Variants in OGG1 observed in about 807,000 individuals in gnomAD.
The protein encoded by OGG1 is 8-oxoguanine DNA glycosylase.
In OGG1, 35 loss-of-function variants were observed where a neutral mutation model predicts 42.3. The ratio of observed to expected loss-of-function variants is 0.83; its 90% CI spans 0.63 to 1.10. OGG1 has a LOEUF of 1.10. OGG1 is among the 50% of genes least tolerant of loss of function. OGG1 has a pLI of 0.00. For synonymous variants in OGG1, 189 were observed against 179.0 expected, an observed-to-expected ratio of 1.06 and a Z score of -0.44; for missense variants, 484 against 446.7, an observed-to-expected ratio of 1.08 and a Z score of -0.75.
At chr3:9,781,476 G>A (rs1428426944) in intron 2 of OGG1, 1 of 454,444 alleles carries the variant, frequency 2.2e-6, no homozygotes, top group Non-Finnish European at 4.4e-6. Context: ...GGAGCAGGCT[G>A]GGGCCAAACT....
downstream of OGG1, among the ~76,000 whole-genome samples, chr3:9,788,838 C>A (rs942621373): frequency 7.0e-6 from 1 of 143,040 alleles, no homozygotes; most frequent in African/African-American, 2.6e-5. Flanking sequence ...ACTTTTATAT[C>A]TTTTTTTTTT....
intron 3 of OGG1, chr3:9,784,242 CAA>C (rs771078716): frequency 1.1e-5 from 18 of 1,587,326 alleles, no homozygotes; most frequent in South Asian, 1.0e-4. Flanking sequence ...CCGTCAGACT[CAA>C]GAGCCAGCTT....
rs758682963 is a variant in OGG1, at chr3:9,751,827, CCAA to C, written c.452_454del (p.Asn151del). On this transcript the variant is annotated inframe_deletion, in exon 3 of 7. Transcript: ENST00000344629. ...TGCCTTTTCTCTTTTATCTGTTCCT[CCAA>C]CAACAACATCGCCCGCATCACTGGC... 22 of 1,614,050 alleles carry C rather than the reference CCAA, an allele frequency of 1.4e-5. No homozygotes were observed. The highest frequency in any genetic ancestry group is 1.6e-4 in the Middle Eastern group (1 of 6,084).
chr3:9,760,904 T>G (rs1048568163), downstream of OGG1: 1 of 1,288,556 alleles, frequency 7.8e-7, no homozygotes, highest in African/African-American at 1.5e-5. Context: ...CAGCCCTGCC[T>G]GCTCACTCCT....
chr3:9,757,079 C>T lies in OGG1; in HGVS notation c.967C>T (p.Leu323=), dbSNP rs9824261. ...WAQAVLFSAD[L]RQSRHAQEPP... is the part of the protein sequence containing the mutation. Reference sequence around the variant, plus strand: ...CCTACAGGTGCTGTTCAGTGCCGACCTGCGCCAATCCCGCCATGCTCAGGA... The same window carrying T: ...CCTACAGGTGCTGTTCAGTGCCGACTTGCGCCAATCCCGCCATGCTCAGGA... The change falls in exon 7 of 7, where the codon CTG becomes TTG. Residue 323 remains leucine (L), a synonymous_variant. Coordinates refer to ENST00000344629, the MANE Select transcript of OGG1 (RefSeq NM_002542.6). The surrounding 1 kb of genome is among the most constrained non-coding windows in gnomAD (Gnocchi z 4.5). 620 of 1,614,112 alleles carry T rather than the reference C, an allele frequency of 3.8e-4. 6 individuals are homozygous for T. The Middle Eastern group carries it at 8.7e-3, about 23-fold the overall frequency.
At chr3:9,775,918 G>C (rs924255624) in intron 2 of OGG1, among the ~76,000 whole-genome samples, 3 of 152,184 alleles carry the variant, frequency 2.0e-5, no homozygotes, top group Non-Finnish European at 2.9e-5. Flanking sequence ...GGGATTACAG[G>C]TGTGAGCCAC....
At chr3:9,787,044 C>G in intron 3 of OGG1, 1 of 1,614,196 alleles carries the variant, frequency 6.2e-7, no homozygotes, top group Non-Finnish European at 8.5e-7. Context: ...GTCAGGGCAC[C>G]AAAGGGGCAT....
At chr3:9,786,108 T>C (rs1046133792) in intron 3 of OGG1, among the ~76,000 whole-genome samples, 1 of 152,134 alleles carries the variant, frequency 6.6e-6, no homozygotes, top group Non-Finnish European at 1.5e-5. Context: ...CCGGCTAATT[T>C]TTTTGTATTT....
downstream of OGG1, chr3:9,759,200 T>C: frequency 2.5e-6 from 4 of 1,613,910 alleles, no homozygotes; most frequent in Non-Finnish European, 3.4e-6. Flanking sequence ...TGTCAGGTCA[T>C]CACCACTTTT....
Position 9,751,046 on chromosome 3 carries a change from G to A in OGG1, c.239G>A (p.Gly80Glu). ...EEQLHCTVYR[G>E]DKSQASRPTP... is the part of the protein sequence containing the mutation. ...CAGCTCCACTGCACTGTGTACCGAG[G>A]AGACAAGAGCCAGGCTAGCAGGCCC... is the stretch of plus-strand genomic sequence containing the variant. Residue 80 changes from glycine to glutamate, a missense_variant, in exon 2 of 7, where the codon GGA (glycine) becomes GAA (glutamate). Gly to Glu is a moderately conservative substitution (Grantham distance 98). Transcript: ENST00000344629. 6.2e-7 allele frequency: 1 copy of A among 1,613,874 alleles called. No individual in the cohort carries two copies. Among genetic ancestry groups the A allele is most frequent in the African/African-American group, 1.3e-5 (1 of 75,028 alleles).
rs576720672 is a variant in OGG1 at position 9,765,827 on chromosome 3, T to C, written c.1067T>C (p.Ile356Thr). Residue 356 changes from isoleucine (I) to threonine (T), a missense_variant, in exon 8 of 8, where the codon ATT becomes ACT. Transcript: ENST00000302008. ...CCTCCAGGGCCTCCTTGGCAATGCA[T>C]TTGATGGCCACCAGCTTCTGCGTCC... is the stretch of plus-strand genomic sequence containing the variant. The C allele has an allele frequency of 1.2e-5, 20 of 1,614,070 alleles. 1 individual carries two copies. The South Asian group carries it at 2.1e-4, about 17-fold the overall frequency.
chr3:9,783,882 G>A, intron 3 of OGG1: 1 of 1,370,664 alleles, frequency 7.3e-7, no homozygotes, highest in Non-Finnish European at 9.6e-7. Flanking sequence ...CGGTGGACTG[G>A]CCACTGCTGT....
intron 3 of OGG1, among the ~76,000 whole-genome samples, chr3:9,784,874 A>G (rs1178805329): frequency 6.6e-6 from 1 of 151,980 alleles, no homozygotes; most frequent in Non-Finnish European, 1.5e-5. Context: ...CAAAAAAAAA[A>G]AAAGAAAAAG....
intron 2 of OGG1, chr3:9,780,573 G>A (rs995938509): frequency 1.9e-6 from 3 of 1,587,100 alleles, no homozygotes; most frequent in African/African-American, 1.3e-5. Flanking sequence ...CCAGCCAGGT[G>A]CCAGGGTCAG....
exon 4 of OGG1, chr3:9,788,091 G>A (rs2078657402): frequency 4.4e-6 from 1 of 225,602 alleles, no homozygotes; most frequent in Non-Finnish European, 9.0e-6. Flanking sequence ...TAGATAACGG[G>A]AGGAAGAAAG....
chr3:9,789,566 C>T, downstream of OGG1: 2 of 1,614,180 alleles, frequency 1.2e-6, no homozygotes, highest in South Asian at 1.1e-5. Flanking sequence ...GTGTGCGGAC[C>T]TCCTCGCTGG....
chr3:9,778,870 G>C (rs1348803778), intron 2 of OGG1, among the ~76,000 whole-genome samples: 3 of 152,204 alleles, frequency 2.0e-5, no homozygotes, highest in African/African-American at 7.2e-5. Context: ...CTCCAACAGA[G>C]AGGTGCTGGG....
chr3:9,759,375 T>C (rs2077738423), downstream of OGG1: 1 of 1,551,718 alleles, frequency 6.4e-7, no homozygotes, highest in African/African-American at 1.4e-5. Context: ...TAAGGATCCC[T>C]AAGCAGTTAC....
At chr3:9,785,466 T>A (rs776277043) in intron 3 of OGG1, 5 of 1,379,756 alleles carry the variant, frequency 3.6e-6, no homozygotes, top group South Asian at 1.2e-5. Flanking sequence ...AAATAGCTGT[T>A]CCACTTTCCT....
Sources: allele counts gnomAD v4.1 joint callset (sites outside exome capture counted in the v4.1 genomes callset), GRCh38; gene constraint gnomAD v4.1.1; non-coding constraint Gnocchi (gnomAD v3.1); transcripts MANE v1.5; gene names NCBI Gene and HGNC (gene_info 2026-07-23, HGNC 2026-07-21).